Variants in FHIT observed in about 807,000 individuals in gnomAD.
FHIT encodes bis(5'-adenosyl)-triphosphatase.
FHIT carries 19 observed loss-of-function variants against 17.9 expected under a neutral mutation model. That is an observed-to-expected ratio of 1.06 (90% CI 0.74 to 1.56). The LOEUF (loss-of-function observed/expected upper bound fraction) is 1.56, where lower values mean the gene tolerates loss of function less well. FHIT is among the 40% of genes most tolerant of loss of function. FHIT has a pLI of 0.00. For missense variants in FHIT, 248 were observed against 189.2 expected, an observed-to-expected ratio of 1.31 and a Z score of -1.82; for synonymous variants, 81 against 69.7, an observed-to-expected ratio of 1.16 and a Z score of -0.81.
intron 5 of FHIT, among the ~76,000 whole-genome samples, chr3:60,226,472 C>CAAAAAAAAAAA (rs1189100387): frequency 0.052 from 3,636 of 69,478 alleles, 396 homozygotes; most frequent in South Asian, 0.08. Flanking sequence ...AACTCCGTCT[C>CAAAAAAAAAAA]AAAAAAAAAA....
chr3:61,202,173 G>A (rs990051674), intron 1 of FHIT, among the ~76,000 whole-genome samples: 13 of 152,044 alleles, frequency 8.6e-5, no homozygotes, highest in African/African-American at 2.4e-4. Flanking sequence ...CTGCTCAGCC[G>A]CCAACCATCT....
At chr3:59,955,018 C>G (rs2107321494) in intron 7 of FHIT, among the ~76,000 whole-genome samples, 1 of 152,334 alleles carries the variant, frequency 6.6e-6, no homozygotes. Flanking sequence ...GCCAGCTTCA[C>G]TTTTGAAAGC....
chr3:59,859,817 G>C (rs1368317462), intron 8 of FHIT, among the ~76,000 whole-genome samples: 1 of 152,148 alleles, frequency 6.6e-6, no homozygotes, highest in Non-Finnish European at 1.5e-5. Flanking sequence ...TAGCATCCTG[G>C]ACCAAAAAAG....
In FHIT at chr3:60,359,997, C is replaced by T. The variant is rs73107076; in HGVS notation, c.103+176863G>A. ...CATTCAAGACTTTTTTTTTTTTTTT[C>T]TTTTTTTTTTTTTCATTCTGTAAGG... On this transcript the variant is annotated intron_variant, in intron 5 of 9. Coordinates refer to ENST00000492590, the MANE Select transcript of FHIT (RefSeq NM_002012.4). 9.2e-3 allele frequency among the ~76,000 whole-genome samples: 1,053 copies of T among 113,916 alleles called. 4 individuals carry two copies. Among genetic ancestry groups the T allele is most frequent in the Middle Eastern group, 0.036 (8 of 220 alleles). The allele number at this position is 113,916 out of a possible 152,430, so 74.7% of individuals were successfully genotyped here.
At chr3:60,153,915 C>T (rs7642732) in intron 5 of FHIT, among the ~76,000 whole-genome samples, 107,918 of 152,116 alleles carry the variant, frequency 0.71, 40,101 homozygotes, top group Non-Finnish European at 0.83. Context: ...ATAGACACTG[C>T]TTTTGTTCTT....
At chr3:60,028,108 T>C (rs73089965) in intron 5 of FHIT, among the ~76,000 whole-genome samples, 3,359 of 152,286 alleles carry the variant, frequency 0.022, 109 homozygotes, top group Admixed American at 0.098. Context: ...GTGGTGGAAC[T>C]GGCACAACTG....
chr3:59,773,706 G>A (rs780360), intron 8 of FHIT, among the ~76,000 whole-genome samples: 17,819 of 151,990 alleles, frequency 0.12, 1,186 homozygotes, highest in Non-Finnish European at 0.16. Context: ...TTGATGTCCC[G>A]GGTGTGGACT....
intron 8 of FHIT, among the ~76,000 whole-genome samples, chr3:59,773,623 C>CTACA: frequency 6.6e-6 from 1 of 152,136 alleles, no homozygotes. Context: ...CTGGAGCACC[C>CTACA]TACACTGCCT....
intron 8 of FHIT, among the ~76,000 whole-genome samples, chr3:59,871,152 C>T (rs1702904585): frequency 6.6e-6 from 1 of 152,112 alleles, no homozygotes; most frequent in South Asian, 2.1e-4. Context: ...GAATGGCCTA[C>T]TCCATAATTT....
chr3:59,921,023 G>A (rs1436306747), intron 8 of FHIT, among the ~76,000 whole-genome samples: 1 of 152,114 alleles, frequency 6.6e-6, no homozygotes, highest in Non-Finnish European at 1.5e-5. Flanking sequence ...CCTGGGAATT[G>A]AGACCTGCAG....
intron 8 of FHIT, among the ~76,000 whole-genome samples, chr3:59,759,211 G>T (rs1416558327): frequency 6.6e-6 from 1 of 151,936 alleles, no homozygotes; most frequent in Non-Finnish European, 1.5e-5. Flanking sequence ...GACTTGGGGG[G>T]ATGGCAGATC....
intron 5 of FHIT, among the ~76,000 whole-genome samples, chr3:60,196,680 A>AACAT (rs1332628278): frequency 1.3e-5 from 2 of 152,110 alleles, no homozygotes; most frequent in African/African-American, 4.8e-5. Context: ...TAGGATGTGT[A>AACAT]ACATACATAC....
chr3:59,909,026 T>G (rs1240610836), intron 8 of FHIT, among the ~76,000 whole-genome samples: 1 of 151,830 alleles, frequency 6.6e-6, no homozygotes. Context: ...TTATTTTTAT[T>G]TATTTATATT....
chr3:60,130,886 T>A (rs1217041305), intron 5 of FHIT, among the ~76,000 whole-genome samples: 1 of 99,528 alleles, frequency 1.0e-5, no homozygotes, highest in East Asian at 2.5e-4. Flanking sequence ...TACATGTATA[T>A]ACACACATAC....
intron 4 of FHIT, among the ~76,000 whole-genome samples, chr3:60,802,227 C>A (rs529195345): frequency 6.6e-6 from 1 of 152,180 alleles, no homozygotes. Context: ...TTTATGCTTT[C>A]ATGGTAAAAA....
At chr3:60,489,964 G>A (rs890347950) in intron 5 of FHIT, among the ~76,000 whole-genome samples, 1 of 151,994 alleles carries the variant, frequency 6.6e-6, no homozygotes, top group Admixed American at 6.6e-5. Flanking sequence ...CTTCATGTAC[G>A]ACATGACAGG....
chr3:60,744,351 T>C (rs1314696117), intron 4 of FHIT, among the ~76,000 whole-genome samples: 2 of 151,672 alleles, frequency 1.3e-5, no homozygotes, highest in South Asian at 4.2e-4. Flanking sequence ...AATAAGATAT[T>C]TCACATTTCC....
At chr3:60,967,680 A>G (rs1042107486) in intron 3 of FHIT, among the ~76,000 whole-genome samples, 1 of 152,208 alleles carries the variant, frequency 6.6e-6, no homozygotes, top group African/African-American at 2.4e-5. Flanking sequence ...AAGAGCAGAT[A>G]TGAAAAACAA....
At chr3:60,236,450 C>T (rs1704800792) in intron 5 of FHIT, among the ~76,000 whole-genome samples, 1 of 152,008 alleles carries the variant, frequency 6.6e-6, no homozygotes, top group African/African-American at 2.4e-5. Context: ...TACTACCCTT[C>T]CATTCTATCC....
Sources: gnomAD v4.1 joint callset for allele counts (sites outside exome capture counted in the v4.1 genomes callset) on GRCh38, gnomAD v4.1.1 for gene constraint, MANE v1.5 for transcripts, NCBI Gene and HGNC (gene_info 2026-07-23, HGNC 2026-07-21) for gene names.